Variants in ASIC2 observed in about 807,000 individuals in gnomAD.
The protein encoded by ASIC2 is acid sensing ion channel subunit 2.
Under a neutral mutation model 57.3 loss-of-function variants are expected in ASIC2, and 25 were observed. That is an observed-to-expected ratio of 0.44 (90% CI 0.32 to 0.61). The LOEUF is 0.61. Ranked by LOEUF, ASIC2 falls within the 20% of genes least tolerant of loss-of-function variation. ASIC2 has a pLI of 0.06. For synonymous variants in ASIC2, 319 were observed against 307.5 expected, an observed-to-expected ratio of 1.04 and a Z score of -0.39; for missense variants, 641 against 738.1, an observed-to-expected ratio of 0.87 and a Z score of 1.52.
intron 1 of ASIC2, chr17:34,146,641 C>T (rs1912424884): frequency 6.6e-6 from 1 of 152,196 alleles, no homozygotes; most frequent in African/African-American, 2.4e-5. Context: ...CTGGCTGCCC[C>T]CAGGTGGTGG....
At chr17:34,017,901 C>G (rs1433694182) in intron 1 of ASIC2, among the ~76,000 whole-genome samples, 3 of 152,130 alleles carry the variant, frequency 2.0e-5, no homozygotes, top group Non-Finnish European at 4.4e-5. Context: ...CATAAAAGTG[C>G]AAGGTGAAGC....
intron 1 of ASIC2, among the ~76,000 whole-genome samples, chr17:33,369,155 A>T (rs1908943196): frequency 6.6e-6 from 1 of 152,204 alleles, no homozygotes; most frequent in South Asian, 2.1e-4. Context: ...CCAACCAAAG[A>T]TCTCAAATTG....
intron 1 of ASIC2, among the ~76,000 whole-genome samples, chr17:33,624,470 C>T (rs1905910385): frequency 6.6e-6 from 1 of 152,230 alleles, no homozygotes; most frequent in South Asian, 2.1e-4. Context: ...TGATGTCCAG[C>T]TGGTACTGCA....
At chr17:33,667,767 T>C (rs1469224948) in intron 1 of ASIC2, among the ~76,000 whole-genome samples, 1 of 152,196 alleles carries the variant, frequency 6.6e-6, no homozygotes, top group Non-Finnish European at 1.5e-5. Context: ...AAGGGTTCAC[T>C]GGGGCTCACT....
intron 1 of ASIC2, among the ~76,000 whole-genome samples, chr17:33,190,572 G>A (rs141745574): frequency 9.9e-5 from 15 of 152,214 alleles, no homozygotes; most frequent in African/African-American, 2.6e-4. Flanking sequence ...GAAAGACCTA[G>A]AATAGTCAAT....
chr17:33,698,351 C>T (rs66785114), intron 1 of ASIC2, among the ~76,000 whole-genome samples: 1 of 151,886 alleles, frequency 6.6e-6, no homozygotes, highest in Non-Finnish European at 1.5e-5. Context: ...TCTACTTCAT[C>T]GTGTTGTCAT....
intron 1 of ASIC2, among the ~76,000 whole-genome samples, chr17:34,149,147 C>T (rs111916570): frequency 0.05 from 6,834 of 135,710 alleles, 535 homozygotes; most frequent in African/African-American, 0.18. Context: ...CGCTCTGTTG[C>T]CCAGGCTGGA....
intron 1 of ASIC2, chr17:34,038,394 G>T (rs1597987547): frequency 1.4e-5 from 22 of 1,611,656 alleles, no homozygotes; most frequent in Admixed American, 1.0e-4. Flanking sequence ...TTATGAATCC[G>T]GTATTCCCTA....
intron 1 of ASIC2, among the ~76,000 whole-genome samples, chr17:33,418,028 ATGTGTGTGTGTGTGTG>A (rs1161141315): frequency 8.8e-5 from 6 of 67,828 alleles, no homozygotes; most frequent in East Asian, 8.9e-4. Flanking sequence ...GCATGTATGT[ATGTGTGTGTGTGTGTG>A]TGTGTGTGTG....
intron 1 of ASIC2, among the ~76,000 whole-genome samples, chr17:33,875,966 A>G (rs1363687691): frequency 1.3e-5 from 2 of 152,196 alleles, no homozygotes; most frequent in Non-Finnish European, 2.9e-5. Context: ...AAAGATTCTC[A>G]ATTGTGCTAC....
intron 1 of ASIC2, among the ~76,000 whole-genome samples, chr17:33,714,799 C>A (rs1295362020): frequency 7.2e-6 from 1 of 139,720 alleles, no homozygotes; most frequent in East Asian, 2.1e-4. Context: ...TTACGTGATT[C>A]TGTGACCTTT....
intron 1 of ASIC2, among the ~76,000 whole-genome samples, chr17:34,109,224 C>CT (rs1193549218): frequency 6.6e-6 from 1 of 151,950 alleles, no homozygotes; most frequent in African/African-American, 2.4e-5. Context: ...CTGTTTAACT[C>CT]TTTGTTTTTT....
At chr17:33,196,510 G>A (rs1906635032) in intron 1 of ASIC2, among the ~76,000 whole-genome samples, 1 of 152,176 alleles carries the variant, frequency 6.6e-6, no homozygotes, top group African/African-American at 2.4e-5. Flanking sequence ...CAGCTGAAGA[G>A]CATACATAGA....
intron 1 of ASIC2, among the ~76,000 whole-genome samples, chr17:33,977,083 T>C (rs997845001): frequency 1.3e-5 from 2 of 152,144 alleles, no homozygotes; most frequent in Non-Finnish European, 2.9e-5. Flanking sequence ...ATTCTGGCCC[T>C]GCTGTCTTTA....
chr17:33,539,395 C>A (rs777433136), intron 1 of ASIC2, among the ~76,000 whole-genome samples: 1 of 152,242 alleles, frequency 6.6e-6, no homozygotes, highest in Non-Finnish European at 1.5e-5. Flanking sequence ...CTAACAGCTT[C>A]CTCCTTCTGA....
chr17:33,720,309 TTGATGCCTATAAACA>T (rs1421358841), intron 1 of ASIC2, among the ~76,000 whole-genome samples: 2 of 152,238 alleles, frequency 1.3e-5, no homozygotes, highest in Admixed American at 6.5e-5. Flanking sequence ...TGAGTTTTCT[TTGATGCCTATAAACA>T]TGGTTACAAA....
At chr17:33,582,994 G>C (rs1345954567) in intron 1 of ASIC2, among the ~76,000 whole-genome samples, 1 of 152,166 alleles carries the variant, frequency 6.6e-6, no homozygotes, top group Non-Finnish European at 1.5e-5. Flanking sequence ...AGTGGGGCTG[G>C]GTGGGGTTGG....
intron 1 of ASIC2, among the ~76,000 whole-genome samples, chr17:33,318,046 G>C (rs879572820): frequency 1.3e-5 from 2 of 152,070 alleles, no homozygotes; most frequent in Admixed American, 1.3e-4. Flanking sequence ...GCTGACGGTC[G>C]CATTTGGGTA....
At chr17:33,912,001 G>A (rs1218106281) in intron 1 of ASIC2, among the ~76,000 whole-genome samples, 5 of 151,824 alleles carry the variant, frequency 3.3e-5, no homozygotes, top group East Asian at 1.9e-4. Context: ...TTAGTGGGGC[G>A]TGGTGGTGTA....
Sources: gnomAD v4.1 joint callset for allele counts (sites outside exome capture counted in the v4.1 genomes callset) on GRCh38, gnomAD v4.1.1 for gene constraint, MANE v1.5 for transcripts, NCBI Gene and HGNC (gene_info 2026-07-23, HGNC 2026-07-21) for gene names.